The following GSAP variants were observed in gnomAD, a reference collection of about 807,000 sequenced individuals.
The protein encoded by GSAP is gamma-secretase activating protein, also known as gamma-secretase-activating protein.
A neutral mutation model predicts 131.7 loss-of-function variants in GSAP; 118 were observed. The observed-to-expected ratio is 0.90, with a 90% CI of 0.77 to 1.04. The LOEUF is 1.04. Among genes scored for constraint, GSAP ranks in the 50% least tolerant of loss-of-function variants. The pLI is 0.00. For synonymous variants in GSAP, 381 were observed against 363.4 expected (o/e 1.05, Z -0.55); for missense variants, 1,019 against 1,013.2 (o/e 1.01, Z -0.08).
At chr7:77,400,273 C>A (rs1157943478) in intron 3 of GSAP, among the ~76,000 whole-genome samples, 1 of 152,122 alleles carries the variant, frequency 6.6e-6, no homozygotes, top group South Asian at 2.1e-4. Context: ...AGCAAATCCA[C>A]GTGGATCCTG....
chr7:77,387,329 G>A, intron 6 of GSAP, 31 bp downstream of exon 6: 1 of 1,074,534 alleles, frequency 9.3e-7, no homozygotes, highest in African/African-American at 1.5e-5. Context: ...TTTGATTAAT[G>A]AGATAAGTGA....
intron 6 of GSAP, among the ~76,000 whole-genome samples, chr7:77,383,791 A>T (rs1039392082): frequency 6.6e-6 from 1 of 152,242 alleles, no homozygotes; most frequent in Admixed American, 6.5e-5. Flanking sequence ...AAAACTTGAA[A>T]GTAATATAAA....
intron 2 of GSAP, among the ~76,000 whole-genome samples, 196 bp from the exon 3 acceptor site, chr7:77,404,811 T>C (rs1801961075): frequency 6.6e-6 from 1 of 152,186 alleles, no homozygotes; most frequent in Non-Finnish European, 1.5e-5. Context: ...ATCAACAGTG[T>C]AGAGCTCAGT....
intron 19 of GSAP, among the ~76,000 whole-genome samples, chr7:77,341,583 T>C (rs1790905493): frequency 6.6e-6 from 1 of 152,192 alleles, no homozygotes; most frequent in African/African-American, 2.4e-5. Flanking sequence ...GTTTAGGCTC[T>C]TTTTCATCAA....
chr7:77,380,992 A>C (rs1387875374), intron 8 of GSAP, among the ~76,000 whole-genome samples: 1 of 152,234 alleles, frequency 6.6e-6, no homozygotes, highest in Non-Finnish European at 1.5e-5. Flanking sequence ...GGTAAAAACA[A>C]TTGAATCCCC....
At chr7:77,398,671 G>A (rs1246336005) in intron 3 of GSAP, among the ~76,000 whole-genome samples, 4 of 152,200 alleles carry the variant, frequency 2.6e-5, no homozygotes, top group African/African-American at 9.6e-5. Context: ...GGGAGGCTGA[G>A]ATAGGAGGAT....
At chr7:77,354,213 C>A (rs1302973713) in intron 16 of GSAP, among the ~76,000 whole-genome samples, 1 of 152,202 alleles carries the variant, frequency 6.6e-6, no homozygotes, top group Non-Finnish European at 1.5e-5. Context: ...AACCATGGTG[C>A]ACACTTGCAC....
At chr7:77,320,656 C>T in intron 26 of GSAP, 69 bp downstream of exon 26, 1 of 902,566 alleles carries the variant, frequency 1.1e-6, no homozygotes, top group South Asian at 1.4e-5. Context: ...TATAATGTAC[C>T]AAAGGCAAGG....
intron 26 of GSAP, among the ~76,000 whole-genome samples, chr7:77,320,190 G>A (rs17232033): frequency 0.072 from 10,970 of 152,096 alleles, 428 homozygotes; most frequent in Middle Eastern, 0.11. Flanking sequence ...GCACGTTACC[G>A]GTCATGTCAT....
At position 77,377,403 on chromosome 7, in the gene GSAP, A is replaced by T; in HGVS notation, c.577-13T>A. 6.5e-6 allele frequency: 1 copy of T among 152,694 alleles called. No individual in the cohort carries two copies. The highest frequency in any genetic ancestry group is 1.2e-4 in the African/African-American group (1 of 8,056). 9.5% of individuals were successfully genotyped at this position (152,694 alleles called of 1,614,324 possible). A position where few individuals can be genotyped will look rare whatever the true frequency, so the allele number is the denominator to read the frequency against. ...AATTTTTAATCACCTAAAAATGCAA[A>T]AAAAAAAAAAAAAAAAAAAGTATGA... On this transcript the variant is annotated splice_polypyrimidine_tract_variant and intron_variant, in intron 8 of 30. Transcript: ENST00000257626.
chr7:77,342,801 A>C (rs1478497754), intron 19 of GSAP, among the ~76,000 whole-genome samples: 1 of 152,124 alleles, frequency 6.6e-6, no homozygotes. Flanking sequence ...CTGTCCAAAA[A>C]CCAGACAAGC....
At chr7:77,350,961 A>C (rs1328381205) in intron 18 of GSAP, 1 of 212,442 alleles carries the variant, frequency 4.7e-6, no homozygotes, top group Non-Finnish European at 8.1e-6. Flanking sequence ...ATCTGGTCAA[A>C]TCAGCTTTCA....
chr7:77,334,389 C>T (rs1286882489), intron 19 of GSAP, among the ~76,000 whole-genome samples: 1 of 151,294 alleles, frequency 6.6e-6, no homozygotes, highest in Non-Finnish European at 1.5e-5. Flanking sequence ...TACATGGACA[C>T]AGGGAGGGGA....
rs191123649 is a variant in GSAP, at chr7:77,389,436, C to T, written c.368-1988G>A. On this transcript the variant is annotated intron_variant, in intron 5 of 30. Transcript: ENST00000257626. Reference sequence around the variant, plus strand: ...ATATCTCCCAACGCTATCCCTCCCCCCCTCCCCACCCAACAGTCCCCGATG... The same window carrying T: ...ATATCTCCCAACGCTATCCCTCCCCTCCTCCCCACCCAACAGTCCCCGATG... Among the ~76,000 whole-genome samples, 6 of 151,466 alleles carry T rather than the reference C, an allele frequency of 4.0e-5. No individual in the cohort carries two copies. The South Asian group carries it at 8.4e-4, about 21-fold the overall frequency.
intron 8 of GSAP, chr7:77,379,885 A>G (rs910814324): frequency 3.0e-6 from 3 of 983,646 alleles, no homozygotes; most frequent in Non-Finnish European, 3.6e-6. Context: ...TCTTGATTTG[A>G]GGCTTTCAAT....
intron 19 of GSAP, among the ~76,000 whole-genome samples, chr7:77,343,601 G>A (rs1791339716): frequency 1.3e-5 from 2 of 152,162 alleles, no homozygotes; most frequent in Non-Finnish European, 2.9e-5. Context: ...CAACGCTTAT[G>A]CTGATAAGGT....
chr7:77,342,774 C>T (rs1791192201), intron 19 of GSAP, among the ~76,000 whole-genome samples: 1 of 152,204 alleles, frequency 6.6e-6, no homozygotes, highest in Admixed American at 6.5e-5. Context: ...ACTCTCCTTA[C>T]AATTCCCCTA....
At position 77,356,464 on chromosome 7, in the gene GSAP, TATC is replaced by T. The variant is rs1017159932; in HGVS notation, c.1028-820_1028-818del. ...CCCATGTTTGTCCAGTGATCATCAT[TATC>T]ATCATCAGTAGCAGGAGCATTTTGT... On this transcript the variant is annotated intron_variant, in intron 14 of 30. Transcript: ENST00000257626. 5.4e-4 allele frequency among the ~76,000 whole-genome samples: 83 copies of T among 152,308 alleles called. 1 individual carries two copies. In the East Asian group the frequency reaches 0.016, roughly 29 times the overall value.
At chr7:77,391,178 C>CT (rs58633837) in intron 5 of GSAP, among the ~76,000 whole-genome samples, 10,321 of 137,620 alleles carry the variant, frequency 0.075, 437 homozygotes, top group Middle Eastern at 0.11. Context: ...ATATATTTGG[C>CT]TTTTTTTTTT....
Sources: gnomAD v4.1 joint callset for allele counts (sites outside exome capture counted in the v4.1 genomes callset) on GRCh38, gnomAD v4.1.1 for gene constraint, MANE v1.5 for transcripts, NCBI Gene and HGNC (gene_info 2026-07-23, HGNC 2026-07-21) for gene names.